Variants in SCD5 observed in about 807,000 individuals in gnomAD.
SCD5 encodes the protein acyl-CoA-desaturase 4.
SCD5 carries 20 observed loss-of-function variants against 30.4 expected under a neutral mutation model. The observed-to-expected ratio is 0.66, with a 90% CI of 0.46 to 0.96. SCD5 has a LOEUF of 0.96. SCD5 is among the 40% of genes least tolerant of loss of function. SCD5 has a pLI of 0.00. For synonymous variants in SCD5, 173 were observed against 176.4 expected (o/e 0.98, Z 0.16); for missense variants, 381 against 443.3 (o/e 0.86, Z 1.26).
intron 3 of SCD5, among the ~76,000 whole-genome samples, chr4:82,678,778 T>C (rs1728489291): frequency 6.6e-6 from 1 of 152,198 alleles, no homozygotes. Context: ...ATAGTGTCTG[T>C]TTATCTGTTA....
chr4:82,656,161 A>G (rs1727863360), intron 3 of SCD5, among the ~76,000 whole-genome samples: 2 of 152,110 alleles, frequency 1.3e-5, no homozygotes, highest in Non-Finnish European at 2.9e-5. Flanking sequence ...GATTTGTTAC[A>G]TAGGTATACA....
At chr4:82,649,823 T>C (rs2148814441) in intron 3 of SCD5, among the ~76,000 whole-genome samples, 1 of 152,260 alleles carries the variant, frequency 6.6e-6, no homozygotes, top group African/African-American at 2.4e-5. Context: ...ATCCACATCT[T>C]TGTAGGTAGT....
chr4:82,666,469 C>A (rs1358523756), intron 3 of SCD5, among the ~76,000 whole-genome samples: 2 of 151,414 alleles, frequency 1.3e-5, no homozygotes, highest in East Asian at 3.9e-4. Context: ...TGAGCCGGAT[C>A]GCGCCACTGC....
intron 3 of SCD5, among the ~76,000 whole-genome samples, chr4:82,656,375 T>TA (rs747416535): frequency 3.9e-5 from 6 of 152,294 alleles, no homozygotes; most frequent in Non-Finnish European, 8.8e-5. Context: ...GTTCCTGCGT[T>TA]AGTTTGCTGA....
At chr4:82,709,023 C>T (rs1021890701) in intron 1 of SCD5, among the ~76,000 whole-genome samples, 5 of 152,126 alleles carry the variant, frequency 3.3e-5, no homozygotes, top group Non-Finnish European at 7.3e-5. Flanking sequence ...CCATTATGAT[C>T]TCCATCTTAC....
At chr4:82,755,405 C>T (rs981347363) in intron 1 of SCD5, among the ~76,000 whole-genome samples, 2 of 152,084 alleles carry the variant, frequency 1.3e-5, no homozygotes, top group Non-Finnish European at 2.9e-5. Context: ...GAGGCTGAGG[C>T]AGGGGAATCA....
chr4:82,759,069 G>A lies in SCD5; in HGVS notation c.232+39237C>T, dbSNP rs143694572. Among the ~76,000 whole-genome samples, 26 of 152,342 alleles carry A rather than the reference G, an allele frequency of 1.7e-4. No individual in the cohort carries two copies. In the East Asian group the frequency reaches 3.1e-3, roughly 18 times the overall value. ...GCTCCCGGCCATCTCGGGTCAGAAC[G>A]CATCACGGTTCCTTTCCTCTACAGC... On this transcript the variant is annotated intron_variant, in intron 1 of 4. Transcript: ENST00000319540.
intron 1 of SCD5, among the ~76,000 whole-genome samples, chr4:82,713,718 G>A (rs755250246): frequency 1.5e-4 from 23 of 152,210 alleles, no homozygotes; most frequent in Admixed American, 7.8e-4. Context: ...ATGTTGATTG[G>A]TCTCACTTTA....
chr4:82,660,501 T>A, intron 3 of SCD5: 1 of 1,055,136 alleles, frequency 9.5e-7, no homozygotes, highest in Non-Finnish European at 1.2e-6. Flanking sequence ...ATATCTCCTA[T>A]AGAGTGCTGT....
At chr4:82,726,560 T>TTG (rs1553917987) in intron 1 of SCD5, among the ~76,000 whole-genome samples, 1 of 146,124 alleles carries the variant, frequency 6.8e-6, no homozygotes, top group Admixed American at 6.7e-5. Flanking sequence ...AAGCAGCTGT[T>TTG]TTTTTTTTTT....
chr4:82,747,880 C>G (rs1482324856), intron 1 of SCD5, among the ~76,000 whole-genome samples: 1 of 152,172 alleles, frequency 6.6e-6, no homozygotes, highest in East Asian at 1.9e-4. Context: ...CCAGCAGCCA[C>G]AGAAAGGCTG....
At chr4:82,777,556 G>T (rs557363063) in intron 1 of SCD5, among the ~76,000 whole-genome samples, 1 of 152,168 alleles carries the variant, frequency 6.6e-6, no homozygotes, top group Admixed American at 6.5e-5. Flanking sequence ...GTGACACAGG[G>T]CCCCATCCTT....
At chr4:82,767,351 A>C (rs1297727274) in intron 1 of SCD5, among the ~76,000 whole-genome samples, 1 of 151,910 alleles carries the variant, frequency 6.6e-6, no homozygotes, top group Non-Finnish European at 1.5e-5. Context: ...AACTCTAGCC[A>C]TTTTGGCCTC....
chr4:82,752,292 T>C (rs867649288), intron 1 of SCD5, among the ~76,000 whole-genome samples: 6 of 150,438 alleles, frequency 4.0e-5, no homozygotes, highest in Non-Finnish European at 8.9e-5. Context: ...TATATATATA[T>C]GCAAAATCAG....
intron 1 of SCD5, among the ~76,000 whole-genome samples, chr4:82,766,967 C>T (rs1468557175): frequency 3.3e-5 from 5 of 152,002 alleles, no homozygotes; most frequent in Non-Finnish European, 5.9e-5. Context: ...CATGATCCAC[C>T]GTGCCTGGCC....
At chr4:82,667,580 A>C (rs113708170) in intron 3 of SCD5, among the ~76,000 whole-genome samples, 5 of 152,356 alleles carry the variant, frequency 3.3e-5, no homozygotes, top group African/African-American at 1.2e-4. Flanking sequence ...CAAAAGTTTA[A>C]TAAAAGTAGT....
intron 3 of SCD5, among the ~76,000 whole-genome samples, chr4:82,676,310 T>G (rs944997863): frequency 1.3e-5 from 2 of 152,216 alleles, no homozygotes; most frequent in African/African-American, 4.8e-5. Context: ...ACCTTCTGTC[T>G]TGTTTAAGCC....
At chr4:82,749,844 T>C (rs1214433618) in intron 1 of SCD5, among the ~76,000 whole-genome samples, 1 of 152,240 alleles carries the variant, frequency 6.6e-6, no homozygotes. Context: ...TTTAGTCTCA[T>C]GCTGATTTGG....
chr4:82,653,764 C>T (rs897992064), intron 3 of SCD5, among the ~76,000 whole-genome samples: 3 of 143,630 alleles, frequency 2.1e-5, no homozygotes, highest in African/African-American at 7.7e-5. Context: ...CAGCTAAGAA[C>T]CATATATGTA....
Sources: gnomAD v4.1 joint callset for allele counts (sites outside exome capture counted in the v4.1 genomes callset) on GRCh38, gnomAD v4.1.1 for gene constraint, MANE v1.5 for transcripts, NCBI Gene and HGNC (gene_info 2026-07-23, HGNC 2026-07-21) for gene names.